Variants in ATP9A observed in about 807,000 individuals in gnomAD.
ATP9A encodes ATPase phospholipid transporting 9A.
In ATP9A, 52 loss-of-function variants were observed where a neutral mutation model predicts 144.1. That is an observed-to-expected ratio of 0.36 (90% CI 0.29 to 0.45). ATP9A has a LOEUF of 0.45. Among genes scored for constraint, ATP9A ranks in the 20% least tolerant of loss-of-function variants. The pLI is 1.00. For synonymous variants in ATP9A, 582 were observed against 557.4 expected (o/e 1.04, Z -0.62); for missense variants, 947 against 1,392.7 (o/e 0.68, Z 5.09).
chr20:51,708,214 G>A (rs927512382), intron 4 of ATP9A, among the ~76,000 whole-genome samples: 2 of 151,790 alleles, frequency 1.3e-5, no homozygotes, highest in Non-Finnish European at 2.9e-5. Flanking sequence ...CACTTTGGGA[G>A]GGTGAGGCGG....
chr20:51,613,529 G>A (rs779427225), intron 23 of ATP9A, 148 bp downstream of exon 23: 1 of 884,166 alleles, frequency 1.1e-6, no homozygotes, highest in Admixed American at 3.4e-5. Flanking sequence ...GCGAGGTAGG[G>A]GTGACAGCTC....
At chr20:51,638,111 A>ATATATATATATATATATATG (rs2077302391) in intron 15 of ATP9A, among the ~76,000 whole-genome samples, 1 of 85,338 alleles carries the variant, frequency 1.2e-5, no homozygotes, top group African/African-American at 5.1e-5. Flanking sequence ...ATATATATAT[A>ATATATATATATATATATATG]TATATATATA....
rs142296959 is a variant in ATP9A at position 51,682,441 on chromosome 20, T to G, written c.800-6233A>C. ...AGTCATGAACTTCCAGCCCTGCCTA[T>G]GCCAGATGCAACGGGACATGACAAC... On this transcript the variant is annotated intron_variant, in intron 9 of 27. Transcript: ENST00000338821. Among the ~76,000 whole-genome samples the G allele has an allele frequency of 5.9e-5, 9 of 152,180 alleles. No individual in the cohort carries two copies. In the East Asian group the frequency reaches 1.7e-3, roughly 29 times the overall value.
At chr20:51,737,633 TA>T (rs1440312167) in intron 1 of ATP9A, among the ~76,000 whole-genome samples, 2 of 152,216 alleles carry the variant, frequency 1.3e-5, no homozygotes, top group Non-Finnish European at 2.9e-5. Context: ...GTTGGATGAA[TA>T]AAGTCACTTG....
chr20:51,625,021 A>C (rs1196598843), intron 18 of ATP9A, among the ~76,000 whole-genome samples, 171 bp downstream of exon 18: 1 of 151,600 alleles, frequency 6.6e-6, no homozygotes, highest in Non-Finnish European at 1.5e-5. Context: ...AAAAAAAAAA[A>C]AAAAATCACA....
chr20:51,616,565 C>T (rs866542867), intron 22 of ATP9A, among the ~76,000 whole-genome samples: 1 of 152,218 alleles, frequency 6.6e-6, no homozygotes, highest in Non-Finnish European at 1.5e-5. Flanking sequence ...GTGATCCTCC[C>T]GCCTCAGCCT....
At chr20:51,665,867 T>A (rs1435401815) in intron 13 of ATP9A, among the ~76,000 whole-genome samples, 1 of 152,238 alleles carries the variant, frequency 6.6e-6, no homozygotes, top group Non-Finnish European at 1.5e-5. Context: ...ATCTGAAGCT[T>A]TCCTGCAGGA....
rs1400827839 is a variant in ATP9A at position 51,750,987 on chromosome 20, T to C, written c.68+17315A>G. The stretch of plus-strand genomic sequence containing the variant: ...AACACACATTGGGGTCTAAGAGCTC[T>C]ACGTCCAACAAGAGGCAGGAGGCTG... On this transcript the variant is annotated intron_variant, in intron 1 of 27. Transcript: ENST00000338821. Among the ~76,000 whole-genome samples, 3 of 152,266 alleles carry C rather than the reference T, an allele frequency of 2.0e-5. No individual in the cohort carries two copies. In the East Asian group the frequency reaches 5.8e-4, roughly 30 times the overall value.
At chr20:51,634,978 G>T (rs943603850) in intron 15 of ATP9A, among the ~76,000 whole-genome samples, 1 of 151,842 alleles carries the variant, frequency 6.6e-6, no homozygotes, top group Non-Finnish European at 1.5e-5. Context: ...AGTCTTCAAA[G>T]TGGCTCGCAA....
chr20:51,655,623 G>A (rs2426351), intron 14 of ATP9A, among the ~76,000 whole-genome samples: 72,916 of 152,042 alleles, frequency 0.48, 18,274 homozygotes, highest in East Asian at 0.79. Context: ...CCAAACAACT[G>A]ACAGTAACAA....
chr20:51,742,238 T>C (rs1267563794), intron 1 of ATP9A, among the ~76,000 whole-genome samples: 1 of 151,728 alleles, frequency 6.6e-6, no homozygotes, highest in African/African-American at 2.4e-5. Flanking sequence ...GGACGAAGGA[T>C]TGCTTGAGCC....
At position 51,736,492 on chromosome 20, in the gene ATP9A, A is replaced by ATT. The variant is rs60253299; in HGVS notation, c.69-6516_69-6515dup. On this transcript the variant is annotated intron_variant, in intron 1 of 27. Transcript: ENST00000338821. Reference sequence around the variant, plus strand: ...ATGTTCTCACATTGTAGTTACTCTTATTTTTTTTTTTGTCTTTTGTTTTTG... The same window carrying ATT: ...ATGTTCTCACATTGTAGTTACTCTTATTTTTTTTTTTTTGTCTTTTGTTTTTG... 5.4e-3 allele frequency among the ~76,000 whole-genome samples: 770 copies of ATT among 143,608 alleles called. 2 individuals carry two copies. The highest frequency in any genetic ancestry group is 8.2e-3 in the South Asian group (37 of 4,520). 94.2% of individuals were successfully genotyped at this position (143,608 alleles called of 152,430 possible). A position where few individuals can be genotyped will look rare whatever the true frequency, so the allele number is the denominator to read the frequency against.
At chr20:51,696,980 T>C (rs2077573130) in intron 5 of ATP9A, among the ~76,000 whole-genome samples, 1 of 152,222 alleles carries the variant, frequency 6.6e-6, no homozygotes, top group Admixed American at 6.6e-5. Flanking sequence ...GTTCTCAGGT[T>C]ACACTTAACC....
In ATP9A at chr20:51,643,536, G is replaced by A. The variant is rs530917731; in HGVS notation, c.1507-4032C>T. ...GCCTTTATGAAAGAAACCCCAGAGAGGTCCCTCGCTCCTTCTGCTGCGAGA... is the reference window on the plus strand; with the variant it reads ...GCCTTTATGAAAGAAACCCCAGAGAAGTCCCTCGCTCCTTCTGCTGCGAGA... On this transcript the variant is annotated intron_variant, in intron 14 of 27. Transcript: ENST00000338821. 2.0e-5 allele frequency among the ~76,000 whole-genome samples: 3 copies of A among 152,212 alleles called. No individual in the cohort carries two copies. In the South Asian group the frequency reaches 6.2e-4, roughly 32 times the overall value.
intron 9 of ATP9A, among the ~76,000 whole-genome samples, chr20:51,682,613 A>G (rs2077505120): frequency 2.9e-5 from 1 of 34,428 alleles, no homozygotes; most frequent in South Asian, 6.3e-4. Flanking sequence ...TTTTTGAGAC[A>G]GAGTTTCCCT....
chr20:51,668,568 A>C (rs1178801506), intron 13 of ATP9A, among the ~76,000 whole-genome samples: 1 of 152,094 alleles, frequency 6.6e-6, no homozygotes, highest in Non-Finnish European at 1.5e-5. Context: ...CCAAATCACC[A>C]CACAGAGGAA....
chr20:51,714,633 G>T (rs1371075036), intron 3 of ATP9A, among the ~76,000 whole-genome samples: 1 of 152,204 alleles, frequency 6.6e-6, no homozygotes, highest in Non-Finnish European at 1.5e-5. Context: ...CTCCCAAAGT[G>T]CTGGGATTAC....
intron 23 of ATP9A, 68 bp downstream of exon 23, chr20:51,613,609 G>A (rs1262648522): frequency 6.8e-7 from 1 of 1,474,122 alleles, no homozygotes; most frequent in South Asian, 1.3e-5. Context: ...TGCAGAGGGA[G>A]CAGCTGCCCA....
intron 13 of ATP9A, 64 bp downstream of exon 13, chr20:51,669,933 C>T: frequency 9.2e-7 from 1 of 1,081,192 alleles, no homozygotes; most frequent in Non-Finnish European, 1.4e-6. Context: ...AATTACATCT[C>T]AATATAGCTG....
Sources: allele counts gnomAD v4.1 joint callset (sites outside exome capture counted in the v4.1 genomes callset), GRCh38; gene constraint gnomAD v4.1.1; transcripts MANE v1.5; gene names NCBI Gene and HGNC (gene_info 2026-07-23, HGNC 2026-07-21).